Variants in EYS observed in about 807,000 individuals in gnomAD.
EYS encodes protein eyes shut homolog.
In EYS, 250 loss-of-function variants were observed where a neutral mutation model predicts 282.1. The observed-to-expected ratio is 0.89, with a 90% confidence interval of 0.80 to 0.98. EYS has a LOEUF of 0.98. Among genes scored for constraint, EYS ranks in the 50% least tolerant of loss-of-function variants. The pLI is 0.00. For missense variants in EYS, 4,016 were observed against 3,709.0 expected (o/e 1.08, Z -2.15); for synonymous variants, 1,355 against 1,282.9 (o/e 1.06, Z -1.20).
chr6:65,081,564 T>C (rs1343362554), intron 12 of EYS, among the ~76,000 whole-genome samples: 1 of 152,118 alleles, frequency 6.6e-6, no homozygotes, highest in Non-Finnish European at 1.5e-5. Context: ...CTACACTATG[T>C]TCACTAAAAA....
intron 35 of EYS, among the ~76,000 whole-genome samples, chr6:63,884,812 C>A (rs373429810): frequency 3.3e-5 from 5 of 151,776 alleles, no homozygotes; most frequent in East Asian, 3.8e-4. Context: ...CTTGGAGAGG[C>A]GGAATCTTTC....
chr6:65,119,966 C>A (rs1775483492), intron 12 of EYS, among the ~76,000 whole-genome samples: 1 of 151,186 alleles, frequency 6.6e-6, no homozygotes, highest in South Asian at 2.1e-4. Flanking sequence ...TGAAACCTAC[C>A]CCCCCTCCCC....
chr6:64,155,651 C>T (rs888871723), intron 31 of EYS, among the ~76,000 whole-genome samples: 6 of 152,086 alleles, frequency 3.9e-5, no homozygotes, highest in East Asian at 1.9e-4. Context: ...TGCCTCATTG[C>T]TATGCAGAAA....
intron 29 of EYS, among the ~76,000 whole-genome samples, chr6:64,355,029 T>C (rs1771777256): frequency 6.6e-6 from 1 of 151,600 alleles, no homozygotes; most frequent in African/African-American, 2.4e-5. Context: ...CATATGTTTC[T>C]TTAAAACAAC....
At chr6:64,831,023 G>A (rs940595632) in intron 19 of EYS, among the ~76,000 whole-genome samples, 11 of 151,954 alleles carry the variant, frequency 7.2e-5, no homozygotes, top group African/African-American at 2.7e-4. Context: ...CATAGTTCCT[G>A]GAGGGATCAA....
chr6:64,476,531 A>T (rs1031305888), intron 26 of EYS, among the ~76,000 whole-genome samples: 2 of 152,090 alleles, frequency 1.3e-5, no homozygotes, highest in Non-Finnish European at 2.9e-5. Context: ...AAAATATAGA[A>T]AATATTTTTT....
intron 30 of EYS, among the ~76,000 whole-genome samples, chr6:64,239,650 A>G (rs1228720114): frequency 6.7e-6 from 1 of 150,300 alleles, no homozygotes; most frequent in Non-Finnish European, 1.5e-5. Context: ...GATTCTGGAT[A>G]TTAGCCCTTT....
chr6:64,989,497 A>G (rs1770983776), intron 14 of EYS, among the ~76,000 whole-genome samples: 1 of 138,298 alleles, frequency 7.2e-6, no homozygotes. Context: ...AAGAATATAT[A>G]TGAGAAACAT....
At chr6:64,480,089 TA>T (rs1230759869) in intron 26 of EYS, among the ~76,000 whole-genome samples, 1 of 151,928 alleles carries the variant, frequency 6.6e-6, no homozygotes, top group East Asian at 1.9e-4. Flanking sequence ...GTAATTGTTC[TA>T]ACCCTATATA....
chr6:65,678,556 A>G (rs1356015454), intron 1 of EYS, among the ~76,000 whole-genome samples: 1 of 151,998 alleles, frequency 6.6e-6, no homozygotes, highest in East Asian at 1.9e-4. Flanking sequence ...TCACGATTTT[A>G]TGAATATGAC....
chr6:63,834,949 A>G (rs1295598062), intron 36 of EYS, among the ~76,000 whole-genome samples: 1 of 150,410 alleles, frequency 6.6e-6, no homozygotes, highest in African/African-American at 2.5e-5. Flanking sequence ...CACTATGGCA[A>G]GGACAGAAAA....
At chr6:63,994,393 T>G (rs1156986139) in intron 34 of EYS, among the ~76,000 whole-genome samples, 1 of 151,930 alleles carries the variant, frequency 6.6e-6, no homozygotes, top group African/African-American at 2.4e-5. Context: ...ATTCTCATTA[T>G]TTTAAGAATG....
Position 64,120,261 on chromosome 6 carries a change from C to T in EYS, c.6425-38259G>A, listed in dbSNP as rs572514968. On this transcript the variant is annotated intron_variant, in intron 31 of 42. Transcript: ENST00000503581. The stretch of plus-strand genomic sequence containing the variant: ...GTCCCAGCTACTCGGGAGGCTGAGG[C>T]GAGAGAATGGCGTGAACCCAGGAGG... Among the ~76,000 whole-genome samples the T allele has an allele frequency of 2.2e-3, 314 of 142,870 alleles. 1 individual carries two copies. The highest frequency in any genetic ancestry group is 7.7e-3 in the African/African-American group (293 of 38,182). 93.7% of individuals were successfully genotyped at this position (142,870 alleles called of 152,430 possible).
chr6:63,899,343 C>T (rs897027001), intron 35 of EYS, among the ~76,000 whole-genome samples: 8 of 152,086 alleles, frequency 5.3e-5, no homozygotes, highest in African/African-American at 1.9e-4. Flanking sequence ...CAACTAGATC[C>T]TCAAGGCACA....
chr6:64,713,783 C>T (rs1354296478), intron 22 of EYS, among the ~76,000 whole-genome samples: 2 of 152,064 alleles, frequency 1.3e-5, no homozygotes, highest in Non-Finnish European at 2.9e-5. Context: ...ATAATGTTTT[C>T]TGTGAAATTT....
chr6:64,289,144 T>C (rs1299786053), intron 30 of EYS, among the ~76,000 whole-genome samples: 1 of 152,110 alleles, frequency 6.6e-6, no homozygotes, highest in Admixed American at 6.6e-5. Context: ...TTATCAATCA[T>C]GACTTCCCAC....
chr6:63,963,805 A>G (rs1002070478), intron 35 of EYS, among the ~76,000 whole-genome samples: 11 of 152,194 alleles, frequency 7.2e-5, no homozygotes, highest in African/African-American at 2.4e-4. Flanking sequence ...AACTACAAGC[A>G]AAGTCTAATT....
chr6:64,742,816 T>C (rs1223257678), intron 22 of EYS, among the ~76,000 whole-genome samples: 1 of 152,186 alleles, frequency 6.6e-6, no homozygotes, highest in Admixed American at 6.5e-5. Flanking sequence ...AATGGCTCCA[T>C]GATGCACACA....
At chr6:64,640,761 A>G (rs1452836506) in intron 22 of EYS, among the ~76,000 whole-genome samples, 1 of 152,242 alleles carries the variant, frequency 6.6e-6, no homozygotes, top group Non-Finnish European at 1.5e-5. Flanking sequence ...AAAGTATTAA[A>G]TAAAAACATT....
Sources: allele counts gnomAD v4.1 joint callset (sites outside exome capture counted in the v4.1 genomes callset), GRCh38; gene constraint gnomAD v4.1.1; transcripts MANE v1.5; gene names NCBI Gene and HGNC (gene_info 2026-07-23, HGNC 2026-07-21).